Variants in PDE1C observed in about 807,000 individuals in gnomAD.
PDE1C encodes dual specificity calcium/calmodulin-dependent 3',5'-cyclic nucleotide phosphodiesterase 1C.
A neutral mutation model predicts 93.1 loss-of-function variants in PDE1C; 62 were observed. That is an observed-to-expected ratio of 0.67 (90% CI 0.54 to 0.82). PDE1C has a LOEUF of 0.82. Ranked by LOEUF, PDE1C falls within the 40% of genes least tolerant of loss-of-function variation. PDE1C has a pLI of 0.00. For missense variants in PDE1C, 742 were observed against 884.6 expected, an observed-to-expected ratio of 0.84 and a Z score of 2.04; for synonymous variants, 325 against 310.1, an observed-to-expected ratio of 1.05 and a Z score of -0.50.
At chr7:31,645,093 C>A in the PDE1C span, among the ~76,000 whole-genome samples, 1 of 152,168 alleles carries the variant, frequency 6.6e-6, no homozygotes, top group South Asian at 2.1e-4. Flanking sequence ...AAATAATTAT[C>A]TCAATGCCTC....
chr7:31,765,438 C>T (rs993391251), intron 17 of PDE1C, among the ~76,000 whole-genome samples: 9 of 152,098 alleles, frequency 5.9e-5, no homozygotes, highest in Admixed American at 6.5e-5. Flanking sequence ...TTGGAGATAA[C>T]GCAAGCTAAG....
chr7:32,133,801 G>A (rs1365499044), intron 3 of PDE1C, among the ~76,000 whole-genome samples: 1 of 152,010 alleles, frequency 6.6e-6, no homozygotes, highest in Non-Finnish European at 1.5e-5. Flanking sequence ...TCCTCAACAA[G>A]TCAATCTTAA....
At chr7:31,900,399 T>A (rs1374600051) in intron 2 of PDE1C, among the ~76,000 whole-genome samples, 1 of 144,898 alleles carries the variant, frequency 6.9e-6, no homozygotes, top group African/African-American at 2.5e-5. Context: ...TTCATTATCT[T>A]TTTATTCCTG....
chr7:32,055,574 T>G (rs1362862834), intron 1 of PDE1C, among the ~76,000 whole-genome samples: 2 of 151,814 alleles, frequency 1.3e-5, no homozygotes, highest in African/African-American at 4.8e-5. Flanking sequence ...AAAATAAAAT[T>G]AATAACAATA....
rs79559295 is a variant in PDE1C at position 32,102,341 on chromosome 7, T to C, written c.308+67444A>G. 4.2e-3 allele frequency among the ~76,000 whole-genome samples: 644 copies of C among 152,290 alleles called. 5 individuals are homozygous for C. Among genetic ancestry groups the C allele is most frequent in the African/African-American group, 0.015 (620 of 41,568 alleles). ...CCTCAAAGAACATCATCCAGAGTGATATACTGGAGGTCTACTAGTTTTTTT... is the reference window on the plus strand; with the variant it reads ...CCTCAAAGAACATCATCCAGAGTGACATACTGGAGGTCTACTAGTTTTTTT... On this transcript the variant is annotated intron_variant, in intron 3 of 18. Coordinates refer to the PDE1C transcript ENST00000396193.
At chr7:32,217,146 C>T (rs1268380414) in intron 1 of PDE1C, among the ~76,000 whole-genome samples, 2 of 152,188 alleles carry the variant, frequency 1.3e-5, no homozygotes, top group African/African-American at 4.8e-5. Context: ...TCTCCCTAAC[C>T]CTATTAAGCC....
chr7:31,999,297 T>G lies in PDE1C; in HGVS notation c.128+52257A>C, dbSNP rs922947364. Reference sequence around the variant, plus strand: ...GGCTTAGAATCAAAATGCAGATACATTAATATGCAAATGTGCTTTTCATAA... The same window carrying G: ...GGCTTAGAATCAAAATGCAGATACAGTAATATGCAAATGTGCTTTTCATAA... On this transcript the variant is annotated intron_variant, in intron 2 of 17. Transcript: ENST00000396191. Among the ~76,000 whole-genome samples the G allele has an allele frequency of 3.3e-5, 5 of 152,160 alleles. No homozygotes were observed. The East Asian group carries it at 9.6e-4, about 29-fold the overall frequency.
At chr7:32,370,745 C>G (rs183142318) in intron 1 of PDE1C, among the ~76,000 whole-genome samples, 3 of 151,798 alleles carry the variant, frequency 2.0e-5, no homozygotes, top group African/African-American at 4.8e-5. Context: ...ATGTAACAAA[C>G]CTGCACGTTG....
the PDE1C span, among the ~76,000 whole-genome samples, chr7:31,701,472 G>A: frequency 7.9e-5 from 12 of 152,336 alleles, no homozygotes; most frequent in East Asian, 1.7e-3. Flanking sequence ...TACTACTGGC[G>A]AAGATGCTGT....
At chr7:31,845,214 A>C (rs1410180030) in intron 9 of PDE1C, among the ~76,000 whole-genome samples, 2 of 152,162 alleles carry the variant, frequency 1.3e-5, no homozygotes, top group Non-Finnish European at 2.9e-5. Context: ...TTGTTTTAAA[A>C]GTCCAAAGTC....
chr7:32,393,414 TTTC>T (rs995853391), intron 1 of PDE1C, among the ~76,000 whole-genome samples: 43 of 152,230 alleles, frequency 2.8e-4, no homozygotes, highest in African/African-American at 9.6e-4. Flanking sequence ...TGTTTACAGA[TTTC>T]TTCTTCTCCT....
intron 14 of PDE1C, among the ~76,000 whole-genome samples, 171 bp from the exon 15 acceptor site, chr7:31,816,325 T>C (rs960189519): frequency 6.6e-6 from 1 of 152,014 alleles, no homozygotes; most frequent in African/African-American, 2.4e-5. Flanking sequence ...ACGAATAAAA[T>C]AGGTTCATAA....
chr7:32,110,310 T>G lies in PDE1C; in HGVS notation c.308+59475A>C, dbSNP rs188776769. On this transcript the variant is annotated intron_variant, in intron 3 of 18. Coordinates refer to the PDE1C transcript ENST00000396193. ...TGTGCAGGTATCTCCTCTAGGACAT[T>G]AGGCCTTGGCTGGTGGCCTCCGTTT... is the stretch of plus-strand genomic sequence containing the variant. Among the ~76,000 whole-genome samples the G allele has an allele frequency of 5.9e-5, 9 of 152,288 alleles. No homozygotes were observed. The East Asian group carries it at 1.7e-3, about 29-fold the overall frequency.
At chr7:32,197,877 TTGA>T (rs1216862768) in intron 2 of PDE1C, among the ~76,000 whole-genome samples, 2 of 152,220 alleles carry the variant, frequency 1.3e-5, no homozygotes, top group African/African-American at 4.8e-5. Context: ...TTAGATTATG[TTGA>T]TGATGGTGGC....
intron 1 of PDE1C, among the ~76,000 whole-genome samples, chr7:32,374,189 A>AGAGAGGGAAAGAGAGG (rs1348938827): frequency 7.2e-6 from 1 of 139,368 alleles, no homozygotes. Flanking sequence ...AAAGAAAGAA[A>AGAGAGGGAAAGAGAGG]GAAAGAGAGG....
At chr7:31,865,839 C>CA (rs1414096662) in intron 6 of PDE1C, among the ~76,000 whole-genome samples, 1 of 152,074 alleles carries the variant, frequency 6.6e-6, no homozygotes, top group Non-Finnish European at 1.5e-5. Flanking sequence ...ATTTGTTTTG[C>CA]AATAATTTTA....
intron 3 of PDE1C, among the ~76,000 whole-genome samples, chr7:32,099,020 G>GA (rs1226271471): frequency 1.3e-5 from 2 of 152,104 alleles, no homozygotes; most frequent in African/African-American, 4.8e-5. Flanking sequence ...TAAATTCTAT[G>GA]TTATATATAT....
intron 2 of PDE1C, among the ~76,000 whole-genome samples, chr7:32,177,954 T>A (rs1156476585): frequency 6.6e-6 from 1 of 152,172 alleles, no homozygotes; most frequent in Non-Finnish European, 1.5e-5. Context: ...CCCTGAGGAA[T>A]TGAAGAGGGA....
At chr7:32,321,733 C>A (rs1026584894) in intron 1 of PDE1C, among the ~76,000 whole-genome samples, 1 of 152,206 alleles carries the variant, frequency 6.6e-6, no homozygotes, top group Non-Finnish European at 1.5e-5. Context: ...TCTATACTTA[C>A]CAACTGGCAT....
Sources: allele counts gnomAD v4.1 joint callset (sites outside exome capture counted in the v4.1 genomes callset), GRCh38; gene constraint gnomAD v4.1.1; transcripts MANE v1.5; gene names NCBI Gene and HGNC (gene_info 2026-07-23, HGNC 2026-07-21).